Variants in SEL1L3 observed in about 807,000 individuals in gnomAD.
SEL1L3 encodes the protein SEL1L family member 3, also known as protein sel-1 homolog 3.
In SEL1L3, 76 loss-of-function variants were observed where a neutral mutation model predicts 142.8. That is an observed-to-expected ratio of 0.53 (90% CI 0.44 to 0.64). The LOEUF is 0.64. SEL1L3 is among the 30% of genes least tolerant of loss of function. The pLI is 0.00. For synonymous variants in SEL1L3, 504 were observed against 519.6 expected (o/e 0.97, Z 0.41); for missense variants, 1,262 against 1,381.7 (o/e 0.91, Z 1.37).
At chr4:25,715,481 C>G in the SEL1L3 span, among the ~76,000 whole-genome samples, 3 of 152,088 alleles carry the variant, frequency 2.0e-5, no homozygotes, top group Admixed American at 2.0e-4. Context: ...CTGTGGGGAG[C>G]AAATTTTTAC....
Position 25,788,514 on chromosome 4 carries a change from G to T in SEL1L3, c.2077-150C>A. On this transcript the variant is annotated intron_variant, in intron 12 of 23. Transcript: ENST00000399878. The surrounding 1 kb of genome is among the most constrained non-coding windows in gnomAD (Gnocchi z 5.3). Reference sequence around the variant, plus strand: ...CTTTATCTTCCAACTGGAGGCCAGAGCCCTGAATGTGGACTTATGTAAATA... The same window carrying T: ...CTTTATCTTCCAACTGGAGGCCAGATCCCTGAATGTGGACTTATGTAAATA... The T allele has an allele frequency of 1.2e-6, 1 of 825,086 alleles. No homozygotes were observed. The highest frequency in any genetic ancestry group is 1.9e-6 in the Non-Finnish European group (1 of 536,816). The allele number at this position is 825,086 out of a possible 1,614,324, so 51.1% of individuals were successfully genotyped here.
At chr4:25,841,314 G>A (rs777331262) in intron 2 of SEL1L3, among the ~76,000 whole-genome samples, 18 of 152,286 alleles carry the variant, frequency 1.2e-4, no homozygotes, top group African/African-American at 3.6e-4. Flanking sequence ...GATCACAGGC[G>A]TGAGCCACTG....
Position 25,819,796 on chromosome 4 carries a change from C to G in SEL1L3, c.1423+12G>C. The stretch of plus-strand genomic sequence containing the variant: ...AGAGCTTAAAACAGCTCCCCTGAAG[C>G]TCAACACTTACATGCTTCTTGTCTC... On this transcript the variant is annotated intron_variant, in intron 8 of 23. Coordinates refer to ENST00000399878, the MANE Select transcript of SEL1L3 (RefSeq NM_015187.5). 1 of 1,607,196 alleles carries G rather than the reference C, an allele frequency of 6.2e-7. No homozygotes were observed. Among genetic ancestry groups the G allele is most frequent in the South Asian group, 1.1e-5 (1 of 89,662 alleles).
At chr4:25,772,519 A>C (rs762007399) in intron 17 of SEL1L3, among the ~76,000 whole-genome samples, 4 of 152,164 alleles carry the variant, frequency 2.6e-5, no homozygotes, top group African/African-American at 9.7e-5. Flanking sequence ...GCCCTATGAG[A>C]TACATAAAAA....
chr4:25,840,888 G>A (rs1015691775), intron 2 of SEL1L3, among the ~76,000 whole-genome samples: 2 of 152,122 alleles, frequency 1.3e-5, no homozygotes, highest in African/African-American at 4.8e-5. Context: ...GTGAGATGAA[G>A]CCCTTGTTGC....
chr4:25,818,679 C>T lies in SEL1L3; in HGVS notation c.1424-401G>A, dbSNP rs541362138. On this transcript the variant is annotated intron_variant, in intron 8 of 23. Transcript: ENST00000399878. ...AAACAGATGGGTGTGCATGCCTGGC[C>T]TTCTATCTCAGGGTATGTCTCCTGA... Among the ~76,000 whole-genome samples the T allele has an allele frequency of 5.9e-5, 9 of 152,244 alleles. 1 individual carries two copies. The highest frequency in any genetic ancestry group is 3.4e-3 in the Middle Eastern group (1 of 294).
chr4:25,723,832 A>G, the SEL1L3 span, among the ~76,000 whole-genome samples: 1 of 152,126 alleles, frequency 6.6e-6, no homozygotes, highest in Admixed American at 6.6e-5. Context: ...GCGGAGATTC[A>G]CCAATAAATA....
intron 1 of SEL1L3, among the ~76,000 whole-genome samples, chr4:25,855,811 G>C (rs921528687): frequency 2.6e-5 from 4 of 151,728 alleles, no homozygotes; most frequent in Admixed American, 6.6e-5. Context: ...GTGCCTCAGT[G>C]GCCCTGAGGG....
intron 9 of SEL1L3, among the ~76,000 whole-genome samples, chr4:25,816,090 T>C (rs1327745165): frequency 6.8e-6 from 1 of 147,130 alleles, no homozygotes; most frequent in Non-Finnish European, 1.5e-5. Flanking sequence ...TATATACTTA[T>C]ATATTATATA....
At chr4:25,859,267 TC>T (rs148104175) in intron 1 of SEL1L3, among the ~76,000 whole-genome samples, 6 of 152,338 alleles carry the variant, frequency 3.9e-5, no homozygotes, top group African/African-American at 1.4e-4. Context: ...CGAGGCCCTC[TC>T]CCTCTCTGAG....
chr4:25,852,402 T>C (rs761209815), intron 1 of SEL1L3, among the ~76,000 whole-genome samples: 18 of 152,220 alleles, frequency 1.2e-4, no homozygotes, highest in Admixed American at 5.9e-4. Context: ...TGCTTCCACA[T>C]GAATAGGGAT....
the SEL1L3 span, among the ~76,000 whole-genome samples, chr4:25,714,489 T>C: frequency 4.1e-5 from 3 of 72,634 alleles, no homozygotes; most frequent in African/African-American, 9.3e-5. Flanking sequence ...TCTTTCTTTC[T>C]CTTTCTTTCT....
rs756249196 is a variant in SEL1L3, at chr4:25,748,432, C to A, written c.3392G>T (p.Arg1131Leu). Residue 1131 changes from arginine to leucine, a missense_variant, in exon 24 of 24, where the codon CGT becomes CTT. Arg to Leu is a moderately radical substitution (Grantham distance 102, BLOSUM62 -2). Coordinates refer to ENST00000399878, the MANE Select transcript of SEL1L3 (RefSeq NM_015187.5). The stretch of plus-strand genomic sequence containing the variant: ...AGAACTGGAGTGCACAGTTCACCCA[C>A]GTGGCTCCGGGTTATTAGTTACTGT... ...QPTVTNNPEP[R>L]G 1.2e-6 allele frequency: 2 copies of A among 1,608,952 alleles called. No individual in the cohort carries two copies. The highest frequency in any genetic ancestry group is 1.1e-5 in the South Asian group (1 of 89,622).
At chr4:25,758,881 A>C (rs1373524342) in intron 21 of SEL1L3, 60 bp downstream of exon 21, 5 of 1,526,820 alleles carry the variant, frequency 3.3e-6, no homozygotes, top group Non-Finnish European at 3.5e-6. Context: ...TTAACCAAGA[A>C]GCGAACATCA....
At chr4:25,714,231 C>T in the SEL1L3 span, among the ~76,000 whole-genome samples, 1 of 152,132 alleles carries the variant, frequency 6.6e-6, no homozygotes, top group Non-Finnish European at 1.5e-5. Context: ...ATGGGACCAC[C>T]AGCCTTTTTC....
chr4:25,842,012 C>A (rs147223319), intron 2 of SEL1L3, among the ~76,000 whole-genome samples: 1 of 152,210 alleles, frequency 6.6e-6, no homozygotes, highest in Non-Finnish European at 1.5e-5. Flanking sequence ...CAGTGCCTGG[C>A]ACATAGCAAA....
chr4:25,765,585 A>C, intron 19 of SEL1L3, 150 bp from the exon 20 acceptor site: 1 of 603,046 alleles, frequency 1.7e-6, no homozygotes, highest in Non-Finnish European at 2.9e-6. Flanking sequence ...TCAAGAGAGA[A>C]ACAAGCAAAA....
At chr4:25,833,820 C>T (rs1031216538) in intron 3 of SEL1L3, among the ~76,000 whole-genome samples, 4 of 152,162 alleles carry the variant, frequency 2.6e-5, no homozygotes, top group Non-Finnish European at 5.9e-5. Flanking sequence ...ACCAAAAACT[C>T]TGTTTCTCTG....
intron 4 of SEL1L3, 46 bp from the exon 5 acceptor site, chr4:25,833,156 C>A: frequency 9.2e-7 from 1 of 1,089,266 alleles, no homozygotes; most frequent in Non-Finnish European, 1.4e-6. Context: ...AAAATATCTA[C>A]GAGTGAATGA....
Sources: allele counts gnomAD v4.1 joint callset (sites outside exome capture counted in the v4.1 genomes callset), GRCh38; gene constraint gnomAD v4.1.1; non-coding constraint Gnocchi (gnomAD v3.1); transcripts MANE v1.5; gene names NCBI Gene and HGNC (gene_info 2026-07-23, HGNC 2026-07-21).